Variants in SCN7A observed in about 807,000 individuals in gnomAD.
SCN7A encodes the protein sodium channel protein type 7 subunit alpha.
In SCN7A, 138 loss-of-function variants were observed where a neutral mutation model predicts 155.2. The observed-to-expected ratio is 0.89, with a 90% CI of 0.77 to 1.02. The LOEUF is 1.02. Ranked by LOEUF, SCN7A falls within the 50% of genes least tolerant of loss-of-function variation. The probability of loss-of-function intolerance (pLI) is 0.00; values close to 1 mark genes in which losing one functional copy is unlikely to be tolerated. For synonymous variants in SCN7A, 693 were observed against 649.0 expected (o/e 1.07, Z -1.03); for missense variants, 2,058 against 1,986.6 (o/e 1.04, Z -0.68).
intron 11 of SCN7A, among the ~76,000 whole-genome samples, chr2:166,448,292 T>G (rs1559110008): frequency 6.6e-6 from 1 of 152,214 alleles, no homozygotes; most frequent in Non-Finnish European, 1.5e-5. Context: ...AAGACTTTAT[T>G]CTTTTTAATG....
At chr2:166,434,322 G>A (rs1013041812) in intron 15 of SCN7A, among the ~76,000 whole-genome samples, 1 of 152,074 alleles carries the variant, frequency 6.6e-6, no homozygotes, top group Non-Finnish European at 1.5e-5. Context: ...TCATCAAATA[G>A]ATAATCTTAT....
rs1483608415 is a variant in SCN7A, at chr2:166,465,967, C to G, written c.685G>C (p.Val229Leu). The G allele has an allele frequency of 1.2e-6, 2 of 1,611,876 alleles. No individual in the cohort carries two copies. Among genetic ancestry groups the G allele is most frequent in the Non-Finnish European group, 1.7e-6 (2 of 1,178,742 alleles). The change falls in exon 8 of 26, where the codon GTC becomes CTC. Residue 229 changes from valine to leucine, a missense_variant. Physicochemically the swap from Val to Leu is conservative, Grantham distance 32. Transcript: ENST00000643258. ...LNQGLKSLVG[V>L]LIHCLKQLIG... ...AGCTGCTTCAAGCAGTGGATCAGGA[C>G]CCCTACAAGGGATTTCAGACCTGGA... is the stretch of plus-strand genomic sequence containing the variant.
At chr2:166,485,361 A>G (rs138714114) in intron 2 of SCN7A, among the ~76,000 whole-genome samples, 15 of 152,300 alleles carry the variant, frequency 9.8e-5, no homozygotes, top group African/African-American at 3.6e-4. Flanking sequence ...AGTCTAAGAC[A>G]TTAAGCTTCA....
At chr2:166,432,196 C>T in intron 16 of SCN7A, 122 bp downstream of exon 16, 1 of 696,022 alleles carries the variant, frequency 1.4e-6, no homozygotes, top group Non-Finnish European at 2.4e-6. Context: ...AGTGATGGAG[C>T]TAGGAGTGAT....
In SCN7A at chr2:166,409,747, C is replaced by T. The variant is rs753901015; in HGVS notation, c.3900G>A (p.Leu1300=). 3.2e-6 allele frequency: 5 copies of T among 1,556,364 alleles called. No individual in the cohort carries two copies. Among genetic ancestry groups the T allele is most frequent in the Non-Finnish European group, 3.5e-6 (4 of 1,149,148 alleles). Residue 1300 remains leucine, a synonymous_variant, in exon 25 of 26, where the codon CTG becomes CTA. Transcript: ENST00000643258. ...FVMLYTMECI[L]KLIAFRCFYF... ...AAAAACAACGGAAAGCGATGAGCTTCAGTATACATTCCATAGTATATAGCA... is the reference window on the plus strand; with the variant it reads ...AAAAACAACGGAAAGCGATGAGCTTTAGTATACATTCCATAGTATATAGCA...
chr2:166,439,011 ATG>A (rs1559103949), intron 15 of SCN7A, among the ~76,000 whole-genome samples: 46 of 144,828 alleles, frequency 3.2e-4, no homozygotes, highest in African/African-American at 1.1e-3. Flanking sequence ...TCATACATAT[ATG>A]TATATATACA....
rs752651594 is a variant in SCN7A at position 166,441,634 on chromosome 2, A to G, written c.1919T>C (p.Phe640Ser). The G allele has an allele frequency of 1.5e-5, 25 of 1,613,808 alleles. No individual in the cohort carries two copies. The highest frequency in any genetic ancestry group is 2.1e-5 in the Non-Finnish European group (25 of 1,179,830). The change falls in exon 15 of 26, where the codon TTT becomes TCT. Residue 640 changes from phenylalanine to serine, a missense_variant. Transcript: ENST00000643258. Reference sequence around the variant, plus strand: ...CAGCTTCATGCCGAATGCAGCAGAAAAGAAGATGAATGTGAACAACAACAG... The same window carrying G: ...CAGCTTCATGCCGAATGCAGCAGAAGAGAAGATGAATGTGAACAACAACAG... ...LVLLLFTFIFFSAAFGMKLFG... is the reference protein window; with the variant it reads ...LVLLLFTFIFSSAAFGMKLFG...
rs376513471 is a variant in SCN7A at position 166,462,429 on chromosome 2, C to T, written c.1043G>A (p.Arg348Gln). 82 of 1,606,982 alleles carry T rather than the reference C, an allele frequency of 5.1e-5. No individual in the cohort carries two copies. The highest frequency in any genetic ancestry group is 6.8e-5 in the Admixed American group (4 of 59,070). The change falls in exon 10 of 26, where the codon CGG (arginine) becomes CAG (glutamine). Residue 348 changes from arginine (R) to glutamine (Q), a missense_variant. Arg to Gln is a conservative substitution (Grantham distance 43). Coordinates refer to ENST00000643258, the MANE Select transcript of SCN7A (RefSeq NM_002976.4). ...TTCAGGGTAATCCTGAGCCATTAAC[C>T]GAAATAGGGCAAATAAGGCCCAGCC... is the stretch of plus-strand genomic sequence containing the variant. Reference protein sequence around the residue: ...SFGWALFALFRLMAQDYPEVL... With the variant: ...SFGWALFALFQLMAQDYPEVL...
Position 166,406,452 on chromosome 2 carries a change from T to G in SCN7A, c.4177A>C (p.Ile1393Leu). The G allele has an allele frequency of 1.2e-6, 2 of 1,612,958 alleles. No individual in the cohort carries two copies. Among genetic ancestry groups the G allele is most frequent in the Non-Finnish European group, 1.7e-6 (2 of 1,179,346 alleles). The change falls in exon 26 of 26, where the codon ATC (isoleucine) becomes CTC (leucine). Residue 1393 changes from isoleucine to leucine, a missense_variant. Physicochemically the swap from Ile to Leu is conservative, Grantham distance 5 (BLOSUM62 2). Transcript: ENST00000643258. ...IILLIFLVMFIYAVFGMYNFA... is the reference protein window; with the variant it reads ...IILLIFLVMFLYAVFGMYNFA... ...TTATACATTCCAAATACGGCATAGATGAACATGACCAGGAAGATGAGAAGA... is the reference window on the plus strand; with the variant it reads ...TTATACATTCCAAATACGGCATAGAGGAACATGACCAGGAAGATGAGAAGA...
chr2:166,416,342 C>T (rs1701376225), intron 21 of SCN7A, among the ~76,000 whole-genome samples: 1 of 152,120 alleles, frequency 6.6e-6, no homozygotes, highest in African/African-American at 2.4e-5. Flanking sequence ...GACCTACTCC[C>T]TGTTTGTACA....
chr2:166,453,291 G>A (rs1045525512), intron 11 of SCN7A, among the ~76,000 whole-genome samples: 1 of 152,056 alleles, frequency 6.6e-6, no homozygotes, highest in African/African-American at 2.4e-5. Flanking sequence ...AGCAATAAAT[G>A]TTGCATGATA....
At position 166,480,457 on chromosome 2, in the gene SCN7A, CA is replaced by C. The variant is rs71031251; in HGVS notation, c.-14-2748del. ...TGGGTGAAAGAGCGAGACTCCGTCTCAAAAAAAAAAAACAAAAAAACAAAAA... is the reference window on the plus strand; with the variant it reads ...TGGGTGAAAGAGCGAGACTCCGTCTCAAAAAAAAAAACAAAAAAACAAAAA... On this transcript the variant is annotated intron_variant, in intron 2 of 25. Transcript: ENST00000643258. Among the ~76,000 whole-genome samples the C allele has an allele frequency of 7.4e-3, 966 of 130,932 alleles. 7 individuals are homozygous for C. Among genetic ancestry groups the C allele is most frequent in the African/African-American group, 0.026 (924 of 35,420 alleles). The allele number at this position is 130,932 out of a possible 152,430, so 85.9% of individuals were successfully genotyped here. A position where few individuals can be genotyped will look rare whatever the true frequency, so the allele number is the denominator to read the frequency against.
chr2:166,477,093 T>C (rs1702815781), intron 3 of SCN7A, among the ~76,000 whole-genome samples: 1 of 152,038 alleles, frequency 6.6e-6, no homozygotes, highest in South Asian at 2.1e-4. Context: ...AGTAAGTTCA[T>C]CATATTGAAC....
At position 166,404,915 on chromosome 2, in the gene SCN7A, C is replaced by T. The variant is rs570648575; in HGVS notation, c.*665G>A. 6.7e-6 allele frequency: 1 copy of T among 148,296 alleles called. No individual in the cohort carries two copies. Among genetic ancestry groups the T allele is most frequent in the East Asian group, 2.0e-4 (1 of 4,892 alleles). The allele number at this position is 148,296 out of a possible 1,614,324, so 9.2% of individuals were successfully genotyped here. A position where few individuals can be genotyped will look rare whatever the true frequency, so the allele number is the denominator to read the frequency against. ...CTTAAGAGCCAGAGCTTAGGTGAAA[C>T]TATCCAGAGATGAGAAACCAGGAGC... On this transcript the variant is annotated 3_prime_UTR_variant, in exon 26 of 26. Transcript: ENST00000643258.
intron 20 of SCN7A, among the ~76,000 whole-genome samples, chr2:166,418,962 C>CA (rs1254336644): frequency 2.0e-5 from 3 of 152,118 alleles, no homozygotes; most frequent in Non-Finnish European, 4.4e-5. Flanking sequence ...TTGACCTAAG[C>CA]ATGGCTACTA....
chr2:166,481,587 A>T (rs1198884313), intron 2 of SCN7A, among the ~76,000 whole-genome samples: 1 of 152,184 alleles, frequency 6.6e-6, no homozygotes, highest in Non-Finnish European at 1.5e-5. Context: ...TCTGCCAAGA[A>T]CACTAATATA....
At chr2:166,450,968 G>A (rs550647365) in intron 11 of SCN7A, among the ~76,000 whole-genome samples, 2 of 152,166 alleles carry the variant, frequency 1.3e-5, no homozygotes, top group South Asian at 2.1e-4. Context: ...ATTAAGATCC[G>A]ACGGGGATTT....
At chr2:166,450,702 G>A (rs1702159409) in intron 11 of SCN7A, among the ~76,000 whole-genome samples, 1 of 152,118 alleles carries the variant, frequency 6.6e-6, no homozygotes, top group South Asian at 2.1e-4. Context: ...GCTGAGGCAG[G>A]AGAGTTGCTT....
chr2:166,461,250 G>A (rs1702402206), intron 10 of SCN7A, among the ~76,000 whole-genome samples: 1 of 151,810 alleles, frequency 6.6e-6, no homozygotes, highest in Non-Finnish European at 1.5e-5. Context: ...AGCATGGACT[G>A]GATGTGTATG....
Sources: gnomAD v4.1 joint callset for allele counts (sites outside exome capture counted in the v4.1 genomes callset) on GRCh38, gnomAD v4.1.1 for gene constraint, MANE v1.5 for transcripts, NCBI Gene and HGNC (gene_info 2026-07-23, HGNC 2026-07-21) for gene names.